Variants in HIBCH observed in about 807,000 individuals in gnomAD.
The protein encoded by HIBCH is 3-hydroxyisobutyryl-CoA hydrolase.
Under a neutral mutation model 58.2 loss-of-function variants are expected in HIBCH, and 50 were observed. The observed-to-expected ratio is 0.86, with a 90% CI of 0.68 to 1.09. The LOEUF (loss-of-function observed/expected upper bound fraction) is 1.09. Ranked by LOEUF, HIBCH falls within the 50% of genes least tolerant of loss-of-function variation. HIBCH has a pLI of 0.00. For synonymous variants in HIBCH, 151 were observed against 146.9 expected (o/e 1.03, Z -0.20); for missense variants, 450 against 449.7 (o/e 1.00, Z -0.01).
chr2:190,253,045 C>T (rs777557902), intron 7 of HIBCH, among the ~76,000 whole-genome samples: 6 of 152,026 alleles, frequency 3.9e-5, no homozygotes, highest in South Asian at 2.1e-4. Context: ...AAAAATCAGC[C>T]GGGCATGGTG....
chr2:190,278,168 C>G (rs961203712), intron 6 of HIBCH, among the ~76,000 whole-genome samples: 2 of 151,908 alleles, frequency 1.3e-5, no homozygotes, highest in African/African-American at 2.4e-5. Flanking sequence ...ATTCTTGGGC[C>G]AAATTCCAGA....
At position 190,243,486 on chromosome 2, in the gene HIBCH, G is replaced by A. The variant is rs575147752; in HGVS notation, c.891+1401C>T. ...ACACCAACTTAAAGTCGGATTCCTT[G>A]AATTATAAAATGACTATTGATGTAA... On this transcript the variant is annotated intron_variant, in intron 11 of 13. Coordinates refer to ENST00000359678, the MANE Select transcript of HIBCH (RefSeq NM_014362.4). This position sits in a 1 kb window ranked among gnomAD's most constrained non-coding sequence, Gnocchi z 4.1. Among the ~76,000 whole-genome samples, 2 of 152,204 alleles carry A rather than the reference G, an allele frequency of 1.3e-5. No individual in the cohort carries two copies. Among genetic ancestry groups the A allele is most frequent in the East Asian group, 3.9e-4 (2 of 5,182 alleles).
chr2:190,317,194 A>AC (rs1421584887), intron 1 of HIBCH, among the ~76,000 whole-genome samples: 2 of 152,116 alleles, frequency 1.3e-5, no homozygotes, highest in Non-Finnish European at 2.9e-5. Flanking sequence ...GAACCACCAC[A>AC]CCCAGCGAAG....
intron 11 of HIBCH, among the ~76,000 whole-genome samples, chr2:190,222,100 ACT>A (rs1685737272): frequency 6.6e-6 from 1 of 151,636 alleles, no homozygotes; most frequent in African/African-American, 2.4e-5. Flanking sequence ...TGACTGTAAC[ACT>A]CTTTCTGGGC....
At chr2:190,225,662 C>T (rs1158665715) in intron 11 of HIBCH, among the ~76,000 whole-genome samples, 4 of 152,100 alleles carry the variant, frequency 2.6e-5, no homozygotes, top group African/African-American at 4.8e-5. Context: ...CAGGACCAGA[C>T]GGATTCATAG....
Position 190,310,477 on chromosome 2 carries a change from A to G in HIBCH, c.78+277T>C, listed in dbSNP as rs182394519. On this transcript the variant is annotated intron_variant, in intron 2 of 13. Transcript: ENST00000359678. ...TATTATTCTCACTTTATACATATCAAAAGGGAAGCTGTAAGAGACCAAGTA... is the reference window on the plus strand; with the variant it reads ...TATTATTCTCACTTTATACATATCAGAAGGGAAGCTGTAAGAGACCAAGTA... 3.3e-5 allele frequency among the ~76,000 whole-genome samples: 5 copies of G among 152,352 alleles called. No homozygotes were observed. In the East Asian group the frequency reaches 9.6e-4, roughly 29 times the overall value.
chr2:190,199,823 C>A (rs763773153), downstream of HIBCH: 7 of 1,600,604 alleles, frequency 4.4e-6, no homozygotes, highest in Non-Finnish European at 6.0e-6. Flanking sequence ...TGGAAGTAGT[C>A]TTTGCCACTG....
downstream of HIBCH, chr2:190,201,934 A>G (rs950665810): frequency 6.0e-6 from 1 of 167,040 alleles, no homozygotes. Context: ...TCTCACACCA[A>G]GACATTTTTG....
At chr2:190,191,616 G>A (rs893031116) in intron 1 of HIBCH, among the ~76,000 whole-genome samples, 1 of 152,208 alleles carries the variant, frequency 6.6e-6, no homozygotes, top group African/African-American at 2.4e-5. Context: ...GAGTGCAGTT[G>A]CTCTGTATAT....
rs936562607 is a variant in HIBCH at position 190,213,185 on chromosome 2, A to G, written c.892-110T>C. 9.5e-6 allele frequency: 9 copies of G among 945,498 alleles called. No homozygotes were observed. The African/African-American group carries it at 9.8e-5, about 10-fold the overall frequency. The allele number at this position is 945,498 out of a possible 1,614,324, so 58.6% of individuals were successfully genotyped here. ...TATTAAAATATGCCAAAATCTCATA[A>G]AAGATTATACCCTAGCTTAATCCTG... On this transcript the variant is annotated intron_variant, in intron 11 of 13. Coordinates refer to ENST00000359678, the MANE Select transcript of HIBCH (RefSeq NM_014362.4).
chr2:190,208,092 G>A (rs377641702), intron 13 of HIBCH, among the ~76,000 whole-genome samples: 27 of 152,260 alleles, frequency 1.8e-4, no homozygotes, highest in Non-Finnish European at 3.1e-4. Flanking sequence ...AGTCAAGCAC[G>A]TCAAGCACTT....
chr2:190,302,580 G>C (rs577684472), intron 2 of HIBCH, among the ~76,000 whole-genome samples: 1 of 152,194 alleles, frequency 6.6e-6, no homozygotes, highest in South Asian at 2.1e-4. Flanking sequence ...GTAGTTGCTT[G>C]AAATCAGCAG....
chr2:190,287,027 C>CGTATGT (rs71401245), intron 6 of HIBCH, among the ~76,000 whole-genome samples: 6 of 142,114 alleles, frequency 4.2e-5, no homozygotes, highest in African/African-American at 1.6e-4. Flanking sequence ...TAGCATATAA[C>CGTATGT]GTGTGTGTGT....
intron 11 of HIBCH, among the ~76,000 whole-genome samples, chr2:190,233,594 T>C (rs1686176145): frequency 6.6e-6 from 1 of 152,228 alleles, no homozygotes; most frequent in South Asian, 2.1e-4. Flanking sequence ...TTGCCTGGTC[T>C]GGGGTACATC....
At chr2:190,245,260 A>G (rs1686572873) in intron 10 of HIBCH, 1 of 329,156 alleles carries the variant, frequency 3.0e-6, no homozygotes, top group Non-Finnish European at 5.7e-6. Flanking sequence ...TAAATTGTAG[A>G]GATGGTTGTC....
chr2:190,271,998 C>T (rs186970243), intron 6 of HIBCH, among the ~76,000 whole-genome samples: 17 of 152,294 alleles, frequency 1.1e-4, no homozygotes, highest in African/African-American at 3.6e-4. Context: ...CACAATTGCA[C>T]CAACCACATC....
At chr2:190,212,377 G>A (rs1690533161) in intron 12 of HIBCH, among the ~76,000 whole-genome samples, 1 of 151,980 alleles carries the variant, frequency 6.6e-6, no homozygotes, top group Admixed American at 6.6e-5. Context: ...GCTTCTTAAG[G>A]GTCCTCTGAA....
At chr2:190,318,078 G>A (rs1172908983) in intron 1 of HIBCH, among the ~76,000 whole-genome samples, 6 of 151,718 alleles carry the variant, frequency 4.0e-5, no homozygotes, top group Non-Finnish European at 8.8e-5. Flanking sequence ...TGCCCGCCTC[G>A]GCCTCCCAAA....
chr2:190,252,784 C>T (rs1018655840), intron 7 of HIBCH, among the ~76,000 whole-genome samples: 2 of 152,150 alleles, frequency 1.3e-5, no homozygotes, highest in Admixed American at 6.5e-5. Context: ...AATATTGATG[C>T]AATAATCACA....
Sources: gnomAD v4.1 joint callset for allele counts (sites outside exome capture counted in the v4.1 genomes callset) on GRCh38, gnomAD v4.1.1 for gene constraint, Gnocchi (gnomAD v3.1) non-coding constraint, MANE v1.5 for transcripts, NCBI Gene and HGNC (gene_info 2026-07-23, HGNC 2026-07-21) for gene names.